The following NRG3 variants were observed in gnomAD, a reference collection of about 807,000 sequenced individuals.
The protein encoded by NRG3 is pro-neuregulin-3, membrane-bound isoform.
Under a neutral mutation model 66.9 loss-of-function variants are expected in NRG3, and 31 were observed. The ratio of observed to expected loss-of-function variants is 0.46; its 90% CI spans 0.35 to 0.63. The LOEUF is 0.63. NRG3 is among the 20% of genes least tolerant of loss of function. The pLI is 0.00. For missense variants in NRG3, 910 were observed against 878.9 expected (o/e 1.04, Z -0.45); for synonymous variants, 393 against 359.4 (o/e 1.09, Z -1.06).
At chr10:81,952,920 G>A (rs1379989004) in intron 1 of NRG3, among the ~76,000 whole-genome samples, 2 of 151,946 alleles carry the variant, frequency 1.3e-5, no homozygotes, top group Non-Finnish European at 2.9e-5. Context: ...TGACCTCATT[G>A]GACACTTGGC....
intron 2 of NRG3, among the ~76,000 whole-genome samples, chr10:82,568,781 C>A (rs932253098): frequency 6.6e-6 from 1 of 151,768 alleles, no homozygotes; most frequent in Non-Finnish European, 1.5e-5. Context: ...TCCTTGTTGT[C>A]GTTGACACTC....
chr10:82,567,015 G>A (rs769546351), intron 2 of NRG3, among the ~76,000 whole-genome samples: 13 of 151,880 alleles, frequency 8.6e-5, no homozygotes, highest in Non-Finnish European at 1.5e-4. Flanking sequence ...TCTTCCAAGC[G>A]ATACCTGAAG....
intron 1 of NRG3, among the ~76,000 whole-genome samples, chr10:81,909,657 C>A (rs1844934389): frequency 1.3e-5 from 2 of 152,140 alleles, no homozygotes; most frequent in South Asian, 4.1e-4. Context: ...CTTAAGGGCT[C>A]TTTGAGAAGT....
chr10:82,717,365 T>C (rs953575703), intron 2 of NRG3, among the ~76,000 whole-genome samples: 1 of 150,186 alleles, frequency 6.7e-6, no homozygotes, highest in Non-Finnish European at 1.5e-5. Flanking sequence ...TTGCAGAAAA[T>C]ATATAAAATG....
At chr10:82,358,991 A>G in intron 2 of NRG3, 123 bp downstream of exon 2, 2 of 1,335,452 alleles carry the variant, frequency 1.5e-6, no homozygotes, top group Non-Finnish European at 2.1e-6. Flanking sequence ...TTTGAATAGC[A>G]GAATTGCGAG....
chr10:82,253,279 C>G (rs1364564647), intron 1 of NRG3, among the ~76,000 whole-genome samples: 1 of 152,186 alleles, frequency 6.6e-6, no homozygotes, highest in Non-Finnish European at 1.5e-5. Flanking sequence ...TTCTTTCACT[C>G]CTGCTTGGAT....
At chr10:81,880,108 T>A (rs1338572468) in intron 1 of NRG3, among the ~76,000 whole-genome samples, 1 of 152,206 alleles carries the variant, frequency 6.6e-6, no homozygotes, top group Admixed American at 6.5e-5. Flanking sequence ...ACTTTTCTGC[T>A]TTAATCAATT....
intron 1 of NRG3, among the ~76,000 whole-genome samples, chr10:82,052,346 G>T (rs1456683906): frequency 2.6e-5 from 4 of 152,026 alleles, no homozygotes; most frequent in Non-Finnish European, 5.9e-5. Context: ...AGTAGCCCAT[G>T]GGGTCATATC....
chr10:82,076,360 C>T (rs1208897912), intron 1 of NRG3, among the ~76,000 whole-genome samples: 2 of 152,214 alleles, frequency 1.3e-5, no homozygotes, highest in African/African-American at 4.8e-5. Flanking sequence ...TTACCAAGTA[C>T]ATTTCACTAT....
intron 3 of NRG3, among the ~76,000 whole-genome samples, chr10:82,858,942 C>CTTTTTTTTT (rs534067829): frequency 5.6e-5 from 7 of 124,236 alleles, no homozygotes; most frequent in Non-Finnish European, 9.9e-5. Context: ...AGTAGTCTAA[C>CTTTTTTTTT]TTTTTTTTTT....
At chr10:82,097,558 A>G (rs2066435925) in intron 1 of NRG3, among the ~76,000 whole-genome samples, 2 of 151,486 alleles carry the variant, frequency 1.3e-5, no homozygotes. Context: ...ACCCATATAT[A>G]TAAAGCTCTT....
intron 2 of NRG3, among the ~76,000 whole-genome samples, chr10:82,644,313 A>G (rs1047433801): frequency 2.0e-5 from 3 of 152,112 alleles, no homozygotes; most frequent in South Asian, 4.1e-4. Flanking sequence ...GGTGATGATA[A>G]GTTTCTAAAG....
intron 1 of NRG3, among the ~76,000 whole-genome samples, chr10:81,936,289 G>C (rs1847863080): frequency 6.6e-6 from 1 of 152,154 alleles, no homozygotes; most frequent in Admixed American, 6.6e-5. Context: ...AGTTTGAAAA[G>C]AGTATGGAAC....
At chr10:82,863,862 C>T (rs556185162) in intron 3 of NRG3, among the ~76,000 whole-genome samples, 2 of 152,244 alleles carry the variant, frequency 1.3e-5, no homozygotes, top group Admixed American at 6.5e-5. Flanking sequence ...TCATTCATTT[C>T]TGAGCTACCT....
chr10:82,618,331 G>A (rs568098411), intron 2 of NRG3, among the ~76,000 whole-genome samples: 3 of 151,996 alleles, frequency 2.0e-5, no homozygotes, highest in Non-Finnish European at 2.9e-5. Flanking sequence ...GAGACGGGGG[G>A]GAATTTATGC....
intron 1 of NRG3, among the ~76,000 whole-genome samples, chr10:82,300,891 G>A (rs1486076255): frequency 6.6e-6 from 1 of 152,020 alleles, no homozygotes; most frequent in Non-Finnish European, 1.5e-5. Flanking sequence ...AGCTACTCAG[G>A]AGGCTGAAGT....
At chr10:82,416,829 C>A (rs1393211817) in intron 2 of NRG3, among the ~76,000 whole-genome samples, 1 of 152,118 alleles carries the variant, frequency 6.6e-6, no homozygotes, top group Non-Finnish European at 1.5e-5. Context: ...CCAGACTCTG[C>A]CTTTGGTGGG....
At chr10:82,606,020 C>T (rs2133443820) in intron 2 of NRG3, among the ~76,000 whole-genome samples, 1 of 152,098 alleles carries the variant, frequency 6.6e-6, no homozygotes, top group South Asian at 2.1e-4. Context: ...CCCATTGTCA[C>T]TTTCATCAAC....
At chr10:82,235,899 C>T (rs1419800818) in intron 1 of NRG3, among the ~76,000 whole-genome samples, 1 of 152,054 alleles carries the variant, frequency 6.6e-6, no homozygotes, top group Non-Finnish European at 1.5e-5. Context: ...GACTTGCCTC[C>T]TTGATTTTTG....
Sources: allele counts gnomAD v4.1 joint callset (sites outside exome capture counted in the v4.1 genomes callset), GRCh38; gene constraint gnomAD v4.1.1; transcripts MANE v1.5; gene names NCBI Gene and HGNC (gene_info 2026-07-23, HGNC 2026-07-21).